The following GLIS3 variants were observed in gnomAD, a reference collection of about 807,000 sequenced individuals.
GLIS3 encodes GLIS family zinc finger 3, also known as zinc finger protein GLIS3.
In GLIS3, 53 loss-of-function variants were observed where a neutral mutation model predicts 78.6. The observed-to-expected ratio is 0.67, with a 90% confidence interval of 0.54 to 0.85. GLIS3 has a LOEUF of 0.85. Ranked by LOEUF, GLIS3 falls within the 40% of genes least tolerant of loss-of-function variation. The pLI is 0.00. For missense variants in GLIS3, 1,703 were observed against 1,231.1 expected (o/e 1.38, Z -5.74); for synonymous variants, 684 against 509.9 (o/e 1.34, Z -4.60).
At chr9:4,342,939 G>A (rs776815176) in intron 2 of GLIS3, among the ~76,000 whole-genome samples, 2 of 152,088 alleles carry the variant, frequency 1.3e-5, no homozygotes, top group Admixed American at 6.5e-5. Flanking sequence ...TTTGTACACT[G>A]GTTTTGTATC....
intron 8 of GLIS3, among the ~76,000 whole-genome samples, chr9:3,856,878 TG>T (rs1819829962): frequency 6.6e-6 from 1 of 152,050 alleles, no homozygotes; most frequent in Non-Finnish European, 1.5e-5. Context: ...GTTTCTGGGG[TG>T]GGGGACATGT....
chr9:4,291,803 C>A (rs1194033149), intron 1 of GLIS3, among the ~76,000 whole-genome samples: 1 of 152,162 alleles, frequency 6.6e-6, no homozygotes, highest in South Asian at 2.1e-4. Context: ...AGTTCAATAA[C>A]CTCTCTTAGA....
intron 1 of GLIS3, among the ~76,000 whole-genome samples, 165 bp from the exon 2 acceptor site, chr9:4,286,688 ACT>A (rs1828031704): frequency 6.6e-6 from 1 of 151,804 alleles, no homozygotes; most frequent in East Asian, 1.9e-4. Context: ...ATTGGCAGGC[ACT>A]CTCCCCTTCT....
chr9:4,435,412 C>T, the GLIS3 span, among the ~76,000 whole-genome samples: 2 of 152,186 alleles, frequency 1.3e-5, no homozygotes, highest in East Asian at 1.9e-4. Flanking sequence ...AGCAGATCCT[C>T]GCTTTTTCAC....
At chr9:4,485,460 C>T in the GLIS3 span, among the ~76,000 whole-genome samples, 57 of 152,234 alleles carry the variant, frequency 3.7e-4, no homozygotes, top group East Asian at 9.5e-3. Context: ...CCTGTGATTT[C>T]ATCTTCATCC....
At chr9:4,173,904 C>T (rs907196397) in intron 2 of GLIS3, among the ~76,000 whole-genome samples, 2 of 142,532 alleles carry the variant, frequency 1.4e-5, no homozygotes, top group South Asian at 2.4e-4. Context: ...AGTCCGAGTA[C>T]CCAGTTAAAA....
At chr9:4,249,410 T>C (rs889593211) in intron 2 of GLIS3, among the ~76,000 whole-genome samples, 3 of 152,076 alleles carry the variant, frequency 2.0e-5, no homozygotes, top group Non-Finnish European at 2.9e-5. Flanking sequence ...AACTCATGAT[T>C]TGGCTGTTTG....
intron 2 of GLIS3, among the ~76,000 whole-genome samples, chr9:4,178,451 G>C (rs190317644): frequency 9.2e-5 from 14 of 152,318 alleles, no homozygotes; most frequent in African/African-American, 3.4e-4. Context: ...GAGGGGAAGG[G>C]AGGGACGATA....
intron 4 of GLIS3, among the ~76,000 whole-genome samples, chr9:4,079,727 C>G (rs1828387621): frequency 6.7e-6 from 1 of 149,876 alleles, no homozygotes. Flanking sequence ...TCTTTTCTAC[C>G]TTTGAAAGAT....
At chr9:4,355,074 T>A in the GLIS3 span, among the ~76,000 whole-genome samples, 2 of 146,676 alleles carry the variant, frequency 1.4e-5, no homozygotes, top group African/African-American at 5.0e-5. Flanking sequence ...GAGGTTGCAG[T>A]GAGCCGAGAT....
At chr9:4,482,142 G>A in the GLIS3 span, among the ~76,000 whole-genome samples, 2 of 152,106 alleles carry the variant, frequency 1.3e-5, no homozygotes, top group South Asian at 4.1e-4. Flanking sequence ...CTTGGTCAAG[G>A]ACATACAGCT....
the GLIS3 span, among the ~76,000 whole-genome samples, chr9:4,475,377 T>C: frequency 6.6e-6 from 1 of 152,180 alleles, no homozygotes; most frequent in African/African-American, 2.4e-5. Flanking sequence ...TGTTTTTCAT[T>C]TCATTTAATT....
intron 6 of GLIS3, among the ~76,000 whole-genome samples, chr9:3,928,561 G>T (rs979777074): frequency 2.6e-5 from 4 of 152,206 alleles, no homozygotes; most frequent in African/African-American, 9.7e-5. Flanking sequence ...GTATATGTGG[G>T]GGAGAGGTGG....
intron 2 of GLIS3, among the ~76,000 whole-genome samples, chr9:4,208,485 T>G (rs1206450611): frequency 6.6e-6 from 1 of 152,170 alleles, no homozygotes; most frequent in Non-Finnish European, 1.5e-5. Flanking sequence ...CTCAACATGG[T>G]GTAACATGAG....
chr9:4,266,972 C>T (rs373866274), intron 2 of GLIS3, among the ~76,000 whole-genome samples: 2 of 152,138 alleles, frequency 1.3e-5, no homozygotes, highest in Non-Finnish European at 1.5e-5. Context: ...TGATATAACC[C>T]GTTTATGGAA....
chr9:3,837,608 A>C (rs112766510), intron 9 of GLIS3, among the ~76,000 whole-genome samples: 85 of 152,366 alleles, frequency 5.6e-4, no homozygotes, highest in African/African-American at 2.0e-3. Flanking sequence ...ATGACCTATT[A>C]AGCCATGAAA....
At chr9:4,183,945 C>T (rs1885237) in intron 2 of GLIS3, among the ~76,000 whole-genome samples, 85,696 of 151,966 alleles carry the variant, frequency 0.56, 24,444 homozygotes, top group South Asian at 0.72. Context: ...AACTAAGTAG[C>T]TAAATTAGCT....
At chr9:4,202,431 T>TAAAAC (rs1447678485) in intron 2 of GLIS3, among the ~76,000 whole-genome samples, 6 of 23,086 alleles carry the variant, frequency 2.6e-4, no homozygotes, top group African/African-American at 3.8e-4. Flanking sequence ...TCTCAAAAAA[T>TAAAAC]AAAATAAAAT....
chr9:4,003,017 C>T (rs370845696), intron 4 of GLIS3, among the ~76,000 whole-genome samples: 54 of 152,176 alleles, frequency 3.5e-4, no homozygotes, highest in African/African-American at 1.3e-3. Flanking sequence ...TTTGTTTAAT[C>T]CACTGTAGTA....
Sources: gnomAD v4.1 joint callset for allele counts (sites outside exome capture counted in the v4.1 genomes callset) on GRCh38, gnomAD v4.1.1 for gene constraint, MANE v1.5 for transcripts, NCBI Gene and HGNC (gene_info 2026-07-23, HGNC 2026-07-21) for gene names.